Variants in HYDIN observed in about 807,000 individuals in gnomAD.
The protein encoded by HYDIN is axonemal central pair apparatus protein HYDIN.
A neutral mutation model predicts 403.9 loss-of-function variants in HYDIN; 132 were observed. The ratio of observed to expected loss-of-function variants is 0.33; its 90% CI spans 0.28 to 0.38. HYDIN has a LOEUF of 0.38. Ranked by LOEUF, HYDIN falls within the 10% of genes least tolerant of loss-of-function variation. HYDIN has a pLI of 1.00. For synonymous variants in HYDIN, 1,202 were observed against 1,891.7 expected (o/e 0.64, Z 9.46); for missense variants, 2,827 against 5,009.5 (o/e 0.56, Z 13.15).
At chr16:71,224,559 C>CTTT (rs34595246) in intron 1 of HYDIN, among the ~76,000 whole-genome samples, 69 of 117,392 alleles carry the variant, frequency 5.9e-4, no homozygotes, top group East Asian at 1.9e-3. Context: ...TAAGGTTTTT[C>CTTT]TTTTTTTTTT....
intron 1 of HYDIN, among the ~76,000 whole-genome samples, chr16:71,188,481 T>C (rs1026737609): frequency 1.3e-5 from 2 of 152,236 alleles, no homozygotes; most frequent in African/African-American, 4.8e-5. Flanking sequence ...GATTGTGGTC[T>C]TGATTTTAAG....
Position 70,837,904 on chromosome 16 carries a change from A to C in HYDIN, c.13044-16T>G. The C allele has an allele frequency of 6.2e-7, 1 of 1,609,084 alleles. No individual in the cohort carries two copies. The highest frequency in any genetic ancestry group is 1.3e-5 in the African/African-American group (1 of 74,944). ...ACAATCTATGCTGCAGAAAATCAAGAGGAAGAGGCGTAAGCTCCAAGAAGT... is the reference window on the plus strand; with the variant it reads ...ACAATCTATGCTGCAGAAAATCAAGCGGAAGAGGCGTAAGCTCCAAGAAGT... On this transcript the variant is annotated splice_polypyrimidine_tract_variant and intron_variant, in intron 76 of 85. Coordinates refer to ENST00000393567, the MANE Select transcript of HYDIN (RefSeq NM_001270974.2).
At position 71,186,872 on chromosome 16, in the gene HYDIN, C is replaced by A. The variant is rs776950168; in HGVS notation, c.24G>T (p.Glu8Asp). The A allele has an allele frequency of 3.1e-6, 5 of 1,611,618 alleles. No homozygotes were observed. Among genetic ancestry groups the A allele is most frequent in the Non-Finnish European group, 4.2e-6 (5 of 1,178,740 alleles). MTSRRLE[E>D]SMGAVQMGLV... is the part of the protein sequence containing the mutation. ...ATCCCATCTGAACAGCCCCCATGGA[C>A]TCCTCAAGTCTTCTACTTGTCATTT... The change falls in exon 2 of 86, where the codon GAG becomes GAT. Residue 8 changes from glutamate (E) to aspartate (D), a missense_variant. Transcript: ENST00000393567.
chr16:70,976,049 G>A (rs113901125), intron 30 of HYDIN, among the ~76,000 whole-genome samples: 1 of 148,226 alleles, frequency 6.7e-6, no homozygotes, highest in African/African-American at 2.5e-5. Flanking sequence ...AGCTTCCATG[G>A]GGCCCTGCTA....
Position 71,178,978 on chromosome 16 carries a change from T to G in HYDIN, c.331A>C (p.Thr111Pro). ...FPSEIIFQNY[T>P]PCEVYEVPLI... ...GGAACTTCATAGACTTCACAGGGAG[T>G]GTAGTTCTGAAATATAATTTCTGAT... The change falls in exon 4 of 86, where the codon ACT (threonine) becomes CCT (proline). Residue 111 changes from threonine (T) to proline (P), a missense_variant. Coordinates refer to ENST00000393567, the MANE Select transcript of HYDIN (RefSeq NM_001270974.2). The G allele has an allele frequency of 6.2e-7, 1 of 1,611,648 alleles. No individual in the cohort carries two copies. The highest frequency in any genetic ancestry group is 8.5e-7 in the Non-Finnish European group (1 of 1,178,178).
At chr16:71,223,911 T>G (rs2040915893) in intron 1 of HYDIN, among the ~76,000 whole-genome samples, 1 of 152,014 alleles carries the variant, frequency 6.6e-6, no homozygotes, top group Non-Finnish European at 1.5e-5. Context: ...TAAAAGTAGA[T>G]CTACCATTTC....
intron 75 of HYDIN, among the ~76,000 whole-genome samples, chr16:70,846,091 C>A (rs199699457): frequency 1.1e-4 from 17 of 149,318 alleles, no homozygotes; most frequent in African/African-American, 5.0e-5. Context: ...TAGCTTTTGA[C>A]TGTGTTTGCT....
In HYDIN at chr16:71,069,494, G is replaced by A. The variant is rs377256636; in HGVS notation, c.1747C>T (p.His583Tyr). The stretch of plus-strand genomic sequence containing the variant: ...TTATTGAGGGAACATATCAAGGTAT[G>A]AGGAAACCCTGGAAAACAAAATATG... ...HFGDVSFGFP[H>Y]TLICSLNNTS... The change falls in exon 14 of 86, where the codon CAT becomes TAT. Residue 583 changes from histidine (H) to tyrosine (Y), a missense_variant. Physicochemically the swap from His to Tyr is moderately conservative, Grantham distance 83 (BLOSUM62 2). Coordinates refer to ENST00000393567, the MANE Select transcript of HYDIN (RefSeq NM_001270974.2). 16 of 1,612,400 alleles carry A rather than the reference G, an allele frequency of 9.9e-6. No homozygotes were observed. The highest frequency in any genetic ancestry group is 3.3e-4 in the Middle Eastern group (2 of 6,078).
chr16:71,110,446 A>G (rs2083780108), intron 10 of HYDIN, among the ~76,000 whole-genome samples: 1 of 142,276 alleles, frequency 7.0e-6, no homozygotes, highest in Non-Finnish European at 1.5e-5. Flanking sequence ...TATAAATAAT[A>G]TAATATATAA....
intron 3 of HYDIN, 31 bp from the exon 4 acceptor site, chr16:71,179,078 G>C: frequency 1.3e-6 from 2 of 1,572,862 alleles, no homozygotes; most frequent in Non-Finnish European, 1.7e-6. Context: ...TATTGTTATA[G>C]TCACACATTG....
intron 8 of HYDIN, 110 bp from the exon 9 acceptor site, chr16:71,129,933 G>T (rs2084637546): frequency 2.3e-5 from 31 of 1,351,276 alleles, no homozygotes; most frequent in Non-Finnish European, 3.0e-5. Context: ...ACCACCCTGG[G>T]GTGGTCCCTC....
At chr16:71,153,519 AG>A (rs1293500085) in intron 6 of HYDIN, among the ~76,000 whole-genome samples, 7 of 152,200 alleles carry the variant, frequency 4.6e-5, no homozygotes, top group African/African-American at 1.7e-4. Flanking sequence ...GACGTAGCCA[AG>A]GGAGACAGCA....
intron 11 of HYDIN, among the ~76,000 whole-genome samples, chr16:71,090,691 G>C (rs195644): frequency 6.6e-6 from 1 of 151,268 alleles, no homozygotes; most frequent in Non-Finnish European, 1.5e-5. Flanking sequence ...TTTTTGTAGA[G>C]ATGGGGTCTT....
At chr16:71,201,316 G>T (rs894684103) in intron 1 of HYDIN, among the ~76,000 whole-genome samples, 1 of 152,112 alleles carries the variant, frequency 6.6e-6, no homozygotes, top group Admixed American at 6.5e-5. Flanking sequence ...ATTGACAGCT[G>T]AATCACTGAT....
chr16:71,045,312 T>C (rs2081416617), intron 18 of HYDIN, among the ~76,000 whole-genome samples: 1 of 152,298 alleles, frequency 6.6e-6, no homozygotes, highest in Non-Finnish European at 1.5e-5. Flanking sequence ...TCCTTGTTCT[T>C]AGAGGGAAAT....
At chr16:70,922,067 G>A (rs1205100882) in intron 45 of HYDIN, among the ~76,000 whole-genome samples, 2 of 152,208 alleles carry the variant, frequency 1.3e-5, no homozygotes, top group East Asian at 1.9e-4. Context: ...TCCCTTCCCA[G>A]GTCTAGCTCT....
intron 1 of HYDIN, among the ~76,000 whole-genome samples, chr16:71,192,858 T>G (rs924823976): frequency 6.6e-6 from 1 of 152,208 alleles, no homozygotes; most frequent in Non-Finnish European, 1.5e-5. Context: ...ATTAATTAAT[T>G]AATCCATCCA....
At chr16:70,856,094 T>G (rs1479993948) in intron 72 of HYDIN, among the ~76,000 whole-genome samples, 2 of 145,692 alleles carry the variant, frequency 1.4e-5, no homozygotes, top group Non-Finnish European at 3.0e-5. Flanking sequence ...TTTTTGTGCA[T>G]GTCTTATTAC....
intron 1 of HYDIN, among the ~76,000 whole-genome samples, chr16:71,202,465 T>C (rs1344277189): frequency 3.3e-5 from 5 of 152,160 alleles, no homozygotes; most frequent in Admixed American, 6.5e-5. Context: ...ACAAGAGATG[T>C]AATGGCCCTC....
Sources: gnomAD v4.1 joint callset for allele counts (sites outside exome capture counted in the v4.1 genomes callset) on GRCh38, gnomAD v4.1.1 for gene constraint, MANE v1.5 for transcripts, NCBI Gene and HGNC (gene_info 2026-07-23, HGNC 2026-07-21) for gene names.